Variants in LMF2 observed in about 807,000 individuals in gnomAD.
The protein encoded by LMF2 is lipase maturation factor 2, also known as transmembrane protein 112B.
A neutral mutation model predicts 81.5 loss-of-function variants in LMF2; 113 were observed. That is an observed-to-expected ratio of 1.39 (90% CI 1.19 to 1.62). LMF2 has a LOEUF of 1.62. Among genes scored for constraint, LMF2 ranks in the 40% most tolerant of loss-of-function variants. The probability of loss-of-function intolerance (pLI) is 0.00; values close to 1 mark genes in which losing one functional copy is unlikely to be tolerated. For missense variants in LMF2, 1,235 were observed against 929.1 expected, an observed-to-expected ratio of 1.33 and a Z score of -4.28; for synonymous variants, 645 against 424.5, an observed-to-expected ratio of 1.52 and a Z score of -6.39.
At chr22:50,504,307 G>C (rs376470321) in intron 12 of LMF2, 33 bp downstream of exon 12, 2 of 1,478,538 alleles carry the variant, frequency 1.4e-6, no homozygotes, top group Non-Finnish European at 9.2e-7. Flanking sequence ...CCTGCACCCC[G>C]GGCTCCACAC....
At position 50,505,502 on chromosome 22, in the gene LMF2, G is replaced by A. The variant is rs1215924419; in HGVS notation, c.952C>T (p.Leu318=). The A allele has an allele frequency of 2.2e-5, 36 of 1,612,646 alleles. No individual in the cohort carries two copies. The highest frequency in any genetic ancestry group is 2.7e-5 in the Non-Finnish European group (32 of 1,180,034). ...AGCCCGTAGACGGCTAGTTCCAGCA[G>A]CAGCGACAGGGTGGCCAGCAGGGCC... ...PKALLATLSL[L]LELAVYGLLA... The change falls in exon 7 of 14, where the codon CTG becomes TTG. Residue 318 remains leucine (L), a synonymous_variant. Coordinates refer to ENST00000474879, the MANE Select transcript of LMF2 (RefSeq NM_033200.3).
chr22:50,505,866 G>A (rs532508243), intron 5 of LMF2, 51 bp from the exon 6 acceptor site: 1 of 1,605,346 alleles, frequency 6.2e-7, no homozygotes. Flanking sequence ...CTGGCCCCGT[G>A]GCAGGCACCC....
At chr22:50,506,738 G>T in intron 2 of LMF2, 44 bp downstream of exon 2, 1 of 1,612,414 alleles carries the variant, frequency 6.2e-7, no homozygotes, top group Non-Finnish European at 8.5e-7. Context: ...GGGGTGGGTG[G>T]TGGGGGTTGG....
At position 50,506,637 on chromosome 22, in the gene LMF2, C is replaced by A. The variant is rs1182046181; in HGVS notation, c.377+1G>T. ...CAGCCCCAGGCCCAGCCGTCACTCA[C>A]CACTGGAAATAAAGGAACACCTGGC... is the stretch of plus-strand genomic sequence containing the variant. On this transcript the variant is annotated splice_donor_variant, in intron 3 of 13. Coordinates refer to ENST00000474879, the MANE Select transcript of LMF2 (RefSeq NM_033200.3). LOFTEE classifies it high-confidence loss of function. The A allele has an allele frequency of 1.2e-6, 2 of 1,612,848 alleles. No homozygotes were observed. Among genetic ancestry groups the A allele is most frequent in the Non-Finnish European group, 1.7e-6 (2 of 1,179,712 alleles).
intron 5 of LMF2, 89 bp downstream of exon 5, chr22:50,505,946 G>A (rs910357601): frequency 6.4e-7 from 1 of 1,560,872 alleles, no homozygotes; most frequent in Admixed American, 1.8e-5. Flanking sequence ...CTGTCCCCGG[G>A]AGCCACGCTG....
rs555151479 is a variant in LMF2, at chr22:50,505,725, G to A, written c.865C>T (p.Gln289Ter). The A allele has an allele frequency of 3.1e-6, 5 of 1,612,928 alleles. No homozygotes were observed. The highest frequency in any genetic ancestry group is 4.2e-6 in the Non-Finnish European group (5 of 1,179,960). Reference protein sequence around the residue: ...LVLTTALLDDQHLAAEPGHGS... With the variant: ...LVLTTALLDD ...TGGCCAGGCTCAGCAGCCAGGTGCTGGTCGTCCAGCAGCGCAGTGGTAAGC... is the reference window on the plus strand; with the variant it reads ...TGGCCAGGCTCAGCAGCCAGGTGCTAGTCGTCCAGCAGCGCAGTGGTAAGC... The change falls in exon 6 of 14, where the codon CAG becomes TAG. Residue 289 changes from glutamine (Q) to a stop codon, truncating the protein, a stop_gained. Coordinates refer to ENST00000474879, the MANE Select transcript of LMF2 (RefSeq NM_033200.3). LOFTEE classifies it high-confidence loss of function.
At position 50,503,556 on chromosome 22, in the gene LMF2, T is replaced by C. The variant is rs6009975; in HGVS notation, c.1959A>G (p.Gln653=). Reference sequence around the variant, plus strand: ...GGAGAGAACAGGGTGCTAGCAGGGCTTGCACAAATCTGACAGCCCCCACGG... The same window carrying C: ...GGAGAGAACAGGGTGCTAGCAGGGCCTGCACAAATCTGACAGCCCCCACGG... The part of the protein sequence containing the change: ...LMAVGAVRFV[Q]ALLAPCSLRS... Residue 653 remains glutamine (Q), a synonymous_variant, in exon 14 of 14, where the codon CAA becomes CAG. Coordinates refer to ENST00000474879, the MANE Select transcript of LMF2 (RefSeq NM_033200.3). The C allele has an allele frequency of 0.9, 1,391,107 of 1,546,180 alleles. 627,131 individuals carry two copies. Among genetic ancestry groups the C allele is most frequent in the Middle Eastern group, 0.92 (5,211 of 5,654 alleles).
At chr22:50,503,947 C>A (rs373038801) in intron 12 of LMF2, 43 bp from the exon 13 acceptor site, 1 of 1,562,414 alleles carries the variant, frequency 6.4e-7, no homozygotes, top group Non-Finnish European at 8.7e-7. Context: ...GCACCCCGGG[C>A]TCCATACCCC....
rs147119038 is a variant in LMF2 at position 50,504,606 on chromosome 22, G to A, written c.1559C>T (p.Pro520Leu). 120 of 1,603,784 alleles carry A rather than the reference G, an allele frequency of 7.5e-5. 1 individual carries two copies. Among genetic ancestry groups the A allele is most frequent in the African/African-American group, 4.0e-4 (30 of 74,666 alleles). ...GCGCAAGACCAGGCTTGTGAACCAC[G>A]GGCTGTGCGTGTGTGGGCCCAGGGC... ...FAALGPHTHS[P>L]WFTSLVLRLL... The change falls in exon 11 of 14, where the codon CCG (proline) becomes CTG (leucine). Residue 520 changes from proline to leucine, a missense_variant. Physicochemically the swap from Pro to Leu is moderately conservative, Grantham distance 98. Transcript: ENST00000474879.
At chr22:50,505,637 C>G in intron 6 of LMF2, 37 bp downstream of exon 6, 1 of 1,611,812 alleles carries the variant, frequency 6.2e-7, no homozygotes, top group Non-Finnish European at 8.5e-7. Flanking sequence ...AGGGGAGAAC[C>G]CCTGGGAGGG....
chr22:50,503,248 C>T lies in LMF2; in HGVS notation c.*143G>A, dbSNP rs977947503. Reference sequence around the variant, plus strand: ...GGCCTGGAGCCCTCAATGCAGCACCCTGCAAACCCCAGGGGCAGCCCCCCA... The same window carrying T: ...GGCCTGGAGCCCTCAATGCAGCACCTTGCAAACCCCAGGGGCAGCCCCCCA... On this transcript the variant is annotated 3_prime_UTR_variant, in exon 14 of 14. Transcript: ENST00000474879. 1.2e-6 allele frequency: 1 copy of T among 866,662 alleles called. No homozygotes were observed. Among genetic ancestry groups the T allele is most frequent in the Non-Finnish European group, 1.7e-6 (1 of 577,038 alleles). The allele number at this position is 866,662 out of a possible 1,614,324, so 53.7% of individuals were successfully genotyped here.
At position 50,503,962 on chromosome 22, in the gene LMF2, C is replaced by T. The variant is rs370339247; in HGVS notation, c.1719-58G>A. ...GCACCCCGGGCTCCATACCCCATCG[C>T]CAGTGCCCAGCCTTACCCCTGCTCC... On this transcript the variant is annotated intron_variant, in intron 12 of 13. Transcript: ENST00000474879. 74 of 1,479,792 alleles carry T rather than the reference C, an allele frequency of 5.0e-5. No homozygotes were observed. The African/African-American group carries it at 8.2e-4, about 16-fold the overall frequency. The allele number at this position is 1,479,792 out of a possible 1,614,324, so 91.7% of individuals were successfully genotyped here. A position where few individuals can be genotyped will look rare whatever the true frequency, so the allele number is the denominator to read the frequency against.
At chr22:50,506,595 C>T (rs1278741972) in intron 3 of LMF2, 43 bp downstream of exon 3, 2 of 1,603,296 alleles carry the variant, frequency 1.2e-6, no homozygotes, top group Non-Finnish European at 1.7e-6. Context: ...CTCCCCCACC[C>T]CCTACCCAGC....
Position 50,503,349 on chromosome 22 carries a change from G to T in LMF2, c.*42C>A. 1.9e-6 allele frequency: 3 copies of T among 1,601,328 alleles called. No homozygotes were observed. Among genetic ancestry groups the T allele is most frequent in the Non-Finnish European group, 2.6e-6 (3 of 1,174,576 alleles). On this transcript the variant is annotated 3_prime_UTR_variant, in exon 14 of 14. Coordinates refer to ENST00000474879, the MANE Select transcript of LMF2 (RefSeq NM_033200.3). The stretch of plus-strand genomic sequence containing the variant: ...TCCTGCCGGAGGCCAGAGCACTCCC[G>T]GCGACCTGGCCCTCTCAGGACGTGC...
chr22:50,507,486 C>A, intron 1 of LMF2, 96 bp downstream of exon 1: 1 of 1,011,230 alleles, frequency 9.9e-7, no homozygotes, highest in Non-Finnish European at 1.5e-6. Flanking sequence ...CTGGCCCTCA[C>A]TCCCAACCCC....
rs2068527156 is a variant in LMF2, at chr22:50,505,251, C to T, written c.1135G>A (p.Glu379Lys). ...TACCTCCACAGGGCACTCAGCAGCT[C>T]CCAGACCAGGGAGGCCACACCCAGC... ...VWLGVASLVW[E>K]LLSALWRWTQ... is the part of the protein sequence containing the mutation. The change falls in exon 8 of 14, where the codon GAG becomes AAG. Residue 379 changes from glutamate (E) to lysine (K), a missense_variant. Glu to Lys is a moderately conservative substitution (Grantham distance 56, BLOSUM62 1). Coordinates refer to ENST00000474879, the MANE Select transcript of LMF2 (RefSeq NM_033200.3). 3 of 1,613,064 alleles carry T rather than the reference C, an allele frequency of 1.9e-6. No individual in the cohort carries two copies. The highest frequency in any genetic ancestry group is 1.7e-5 in the Admixed American group (1 of 60,010).
In LMF2 at chr22:50,504,690, CGGCTCA is replaced by C; in HGVS notation, c.1469_1474del (p.Leu490_Ser491del). On this transcript the variant is annotated inframe_deletion, in exon 11 of 14. Coordinates refer to ENST00000474879, the MANE Select transcript of LMF2 (RefSeq NM_033200.3). Reference sequence around the variant, plus strand: ...GTGGGGCACCACAACCGGGGGCGGCCGGCTCAGGTTCCCAGGCTTGTACATGAACTC... The same window carrying C: ...GTGGGGCACCACAACCGGGGGCGGCCGGTTCCCAGGCTTGTACATGAACTC... 1 of 1,609,694 alleles carries C rather than the reference CGGCTCA, an allele frequency of 6.2e-7. No individual in the cohort carries two copies. Among genetic ancestry groups the C allele is most frequent in the Non-Finnish European group, 8.5e-7 (1 of 1,179,406 alleles).
At chr22:50,505,601 G>T in intron 6 of LMF2, 64 bp from the exon 7 acceptor site, 2 of 1,611,356 alleles carry the variant, frequency 1.2e-6, no homozygotes, top group South Asian at 1.1e-5. Flanking sequence ...GGTGCAGCTA[G>T]AGTGGGAGTC....
At position 50,505,787 on chromosome 22, in the gene LMF2, G is replaced by A; in HGVS notation, c.803C>T (p.Thr268Ile). Residue 268 changes from threonine to isoleucine, a missense_variant, in exon 6 of 14, where the codon ACC (threonine) becomes ATC (isoleucine). Transcript: ENST00000474879. ...CAGGTTGAAGAAGTTGTAGTTGCCG[G>A]TGATGATAATCAGGACCTGCAGCAG... ...QVLLQVLIII[T>I]GNYNFFNLMT... The A allele has an allele frequency of 6.2e-7, 1 of 1,613,228 alleles. No homozygotes were observed. The highest frequency in any genetic ancestry group is 8.5e-7 in the Non-Finnish European group (1 of 1,179,944).
Sources: gnomAD v4.1 joint callset for allele counts on GRCh38, gnomAD v4.1.1 for gene constraint, MANE v1.5 for transcripts, NCBI Gene and HGNC (gene_info 2026-07-23, HGNC 2026-07-21) for gene names.